Variants in TTN observed in about 807,000 individuals in gnomAD.
TTN encodes the protein titin, also known as connectin.
TTN carries 1,525 observed loss-of-function variants against 3,223.0 expected under a neutral mutation model. That is an observed-to-expected ratio of 0.47 (90% CI 0.45 to 0.49). TTN has a LOEUF of 0.49. Ranked by LOEUF, TTN falls within the 20% of genes least tolerant of loss-of-function variation. TTN has a pLI of 0.00. For missense variants in TTN, 40,786 were observed against 43,424.0 expected, an observed-to-expected ratio of 0.94 and a Z score of 5.40; for synonymous variants, 14,094 against 15,161.0, an observed-to-expected ratio of 0.93 and a Z score of 5.17.
Position 178,792,086 on chromosome 2 carries a change from C to T in TTN, c.1648G>A (p.Val550Ile), listed in dbSNP as rs759126894. The T allele has an allele frequency of 2.5e-6, 4 of 1,612,422 alleles. No homozygotes were observed. In the South Asian group the frequency reaches 3.3e-5, roughly 13 times the overall value. ...ATCAGACTTACTGCTTCTTGAGTTA[C>T]TTGTTTCTGTTTCTTAGTAATTTCT... ...SEEITKKQKQ[V>I]TQEAIRQETE... Residue 550 changes from valine to isoleucine, a missense_variant, in exon 10 of 363, where the codon GTA (valine) becomes ATA (isoleucine). Transcript: ENST00000589042.
rs756519277 is a variant in TTN at position 178,613,182 on chromosome 2, T to C, written c.49627A>G (p.Ile16543Val). The C allele has an allele frequency of 1.2e-6, 2 of 1,610,618 alleles. No individual in the cohort carries two copies. Among genetic ancestry groups the C allele is most frequent in the East Asian group, 2.2e-5 (1 of 44,546 alleles). The part of the protein sequence containing the change: ...PGKPSKSTEP[I>V]LIKDPIDPPW... ...ATACCTATGGGATCCTTTATTAAGA[T>C]TGGTTCAGTTGATTTGCTTGGTTTT... The change falls in exon 264 of 363, where the codon ATC (isoleucine) becomes GTC (valine). Residue 16543 changes from isoleucine to valine, a missense_variant. Coordinates refer to ENST00000589042, the MANE Select transcript of TTN (RefSeq NM_001267550.2).
At position 178,579,977 on chromosome 2, in the gene TTN, C is replaced by G; in HGVS notation, c.67310G>C (p.Gly22437Ala). 1 of 1,613,252 alleles carries G rather than the reference C, an allele frequency of 6.2e-7. No homozygotes were observed. Residue 22437 changes from glycine (G) to alanine (A), a missense_variant, in exon 318 of 363, where the codon GGT becomes GCT. Transcript: ENST00000589042. Reference protein sequence around the residue: ...RVFAENEYGIGDPGETRDAVK... With the variant: ...RVFAENEYGIADPGETRDAVK... ...AGCATCACGAGTTTCACCGGGATCA[C>G]CAATGCCATACTCATTTTCAGCAAA...
rs888818269 is a variant in TTN, at chr2:178,568,862, A to G, written c.77270T>C (p.Val25757Ala). ...TTCCCCTTGAGTTAGGTTGGTAATTACTGCCTGAAGAGACTTTACTCGAGC... is the reference window on the plus strand; with the variant it reads ...TTCCCCTTGAGTTAGGTTGGTAATTGCTGCCTGAAGAGACTTTACTCGAGC... ...ECARVKSLQA[V>A]ITNLTQGEEY... The change falls in exon 326 of 363, where the codon GTA becomes GCA. Residue 25757 changes from valine to alanine, a missense_variant. Physicochemically the swap from Val to Ala is moderately conservative, Grantham distance 64 (BLOSUM62 0). Transcript: ENST00000589042. 3 of 1,613,044 alleles carry G rather than the reference A, an allele frequency of 1.9e-6. No homozygotes were observed. The African/African-American group carries it at 4.0e-5, about 22-fold the overall frequency.
chr2:178,745,947 CT>C lies in TTN; in HGVS notation c.11312-4027del. The C allele has an allele frequency of 6.2e-7, 1 of 1,609,532 alleles. No homozygotes were observed. The highest frequency in any genetic ancestry group is 8.5e-7 in the Non-Finnish European group (1 of 1,176,604). ...TCTTCCATTAAACTGCTTAAAGTCA[CT>C]TTGCTTTTCTTTGCTATCACAGCAA... On this transcript the variant is annotated intron_variant, in intron 47 of 362. Transcript: ENST00000589042.
chr2:178,764,755 T>C lies in TTN; in HGVS notation c.9760A>G (p.Lys3254Glu). The C allele has an allele frequency of 6.2e-7, 1 of 1,613,914 alleles. No homozygotes were observed. Among genetic ancestry groups the C allele is most frequent in the East Asian group, 2.2e-5 (1 of 44,868 alleles). The change falls in exon 42 of 363, where the codon AAG (lysine) becomes GAG (glutamate). Residue 3254 changes from lysine to glutamate, a missense_variant. Transcript: ENST00000589042. ...ATCACGGCACAGAAGCGGGCAGGCT[T>C]GCCAGACTGCACAGTGACAGGCTGG... ...ELQPVTVQSG[K>E]PARFCAVISG...
At chr2:178,799,973 T>A in intron 4 of TTN, 63 bp from the exon 5 acceptor site, 1 of 1,543,856 alleles carries the variant, frequency 6.5e-7, no homozygotes, top group Non-Finnish European at 8.9e-7. Context: ...AAAGAGATTC[T>A]GTTAATTCTG....
Position 178,634,217 on chromosome 2 carries a change from A to G in TTN, c.42416-134T>C. The G allele has an allele frequency of 6.7e-7, 1 of 1,481,804 alleles. No homozygotes were observed. The highest frequency in any genetic ancestry group is 9.0e-7 in the Non-Finnish European group (1 of 1,116,646). The allele number at this position is 1,481,804 out of a possible 1,614,324, so 91.8% of individuals were successfully genotyped here. ...TCATCTTTCCAAATAGAGCTCCACT[A>G]AAAACAAATTAAGGGGGGTTGTTTT... On this transcript the variant is annotated intron_variant, in intron 230 of 362. Transcript: ENST00000589042. This position sits in a 1 kb window ranked among gnomAD's most constrained non-coding sequence, Gnocchi z 4.6.
chr2:178,735,541 T>C lies in TTN; in HGVS notation c.14905A>G (p.Ser4969Gly). 1 of 1,596,998 alleles carries C rather than the reference T, an allele frequency of 6.3e-7. No homozygotes were observed. The highest frequency in any genetic ancestry group is 1.1e-5 in the South Asian group (1 of 87,244). The change falls in exon 50 of 363, where the codon AGC becomes GGC. Residue 4969 changes from serine (S) to glycine (G), a missense_variant. Physicochemically the swap from Ser to Gly is moderately conservative, Grantham distance 56 (BLOSUM62 0). Transcript: ENST00000589042. ...VCTASNEAGSSSCSATVTVRE... is the reference protein window; with the variant it reads ...VCTASNEAGSGSCSATVTVRE... ...ACAGTGACTGTGGCTGAGCAGGAGCTGCTTCCAGCCTCATTTGAAGCTGTA... is the reference window on the plus strand; with the variant it reads ...ACAGTGACTGTGGCTGAGCAGGAGCCGCTTCCAGCCTCATTTGAAGCTGTA...
chr2:178,791,186 A>G (rs1307824063), intron 10 of TTN, among the ~76,000 whole-genome samples: 1 of 152,204 alleles, frequency 6.6e-6, no homozygotes, highest in Admixed American at 6.5e-5. Flanking sequence ...TGCAATGGCA[A>G]TGGGGATTTC....
At chr2:178,795,444 T>G (rs2093716345) in intron 6 of TTN, among the ~76,000 whole-genome samples, 192 bp from the exon 7 acceptor site, 2 of 152,054 alleles carry the variant, frequency 1.3e-5, no homozygotes, top group South Asian at 4.1e-4. Context: ...TCTTATCTGC[T>G]GTAACCCTGT....
chr2:178,701,513 G>C lies in TTN; in HGVS notation c.30598+15C>G. The C allele has an allele frequency of 6.2e-7, 1 of 1,608,528 alleles. No individual in the cohort carries two copies. The highest frequency in any genetic ancestry group is 8.5e-7 in the Non-Finnish European group (1 of 1,178,006). On this transcript the variant is annotated intron_variant, in intron 110 of 362. Transcript: ENST00000589042. Reference sequence around the variant, plus strand: ...TTGCTGCTCCAAGCTCAGATGTTGAGGTTCTGGGTCTTACCTTCTGGTGGC... The same window carrying C: ...TTGCTGCTCCAAGCTCAGATGTTGACGTTCTGGGTCTTACCTTCTGGTGGC...
chr2:178,544,411 C>T lies in TTN; in HGVS notation c.95818G>A (p.Asp31940Asn), dbSNP rs188213186. Residue 31940 changes from aspartate (D) to asparagine (N), a missense_variant, in exon 345 of 363, where the codon GAC becomes AAC. Asp to Asn is a conservative substitution (Grantham distance 23, BLOSUM62 1). Transcript: ENST00000589042. ...WTKPMYDGGT[D>N]IVGYVLEMQE... ...ATTTCCAGAACATATCCTACAATGTCAGTACCACCATCGTACATGGGTTTG... is the reference window on the plus strand; with the variant it reads ...ATTTCCAGAACATATCCTACAATGTTAGTACCACCATCGTACATGGGTTTG... The T allele has an allele frequency of 2.5e-6, 4 of 1,613,740 alleles. No homozygotes were observed. Among genetic ancestry groups the T allele is most frequent in the African/African-American group, 2.7e-5 (2 of 75,026 alleles).
chr2:178,745,845 C>G, intron 47 of TTN: 1 of 1,613,058 alleles, frequency 6.2e-7, no homozygotes, highest in South Asian at 1.1e-5. Flanking sequence ...TCAGAAATAC[C>G]TTTGATAAAC....
rs201095164 is a variant in TTN at position 178,569,459 on chromosome 2, T to A, written c.76673A>T (p.Asp25558Val). The change falls in exon 326 of 363, where the codon GAT (aspartate) becomes GTT (valine). Residue 25558 changes from aspartate (D) to valine (V), a missense_variant. Coordinates refer to ENST00000589042, the MANE Select transcript of TTN (RefSeq NM_001267550.2). ...DGEIRDAAIIDVTSSFTSLVL... is the reference protein window; with the variant it reads ...DGEIRDAAIIVVTSSFTSLVL... ...AAGAGAGGTGAAACTGCTAGTGACA[T>A]CAATTATAGCTGCATCTCGGATTTC... The A allele has an allele frequency of 9.1e-5, 147 of 1,612,946 alleles. No individual in the cohort carries two copies. The highest frequency in any genetic ancestry group is 4.7e-4 in the Admixed American group (28 of 59,936).
chr2:178,575,626 C>A lies in TTN; in HGVS notation c.70506G>T (p.Gly23502=), dbSNP rs181702963. The change falls in exon 326 of 363, where the codon GGG becomes GGT. Residue 23502 remains glycine (G), a synonymous_variant. Transcript: ENST00000589042. The surrounding 1 kb of genome is among the most constrained non-coding windows in gnomAD (Gnocchi z 4.0). ...CCATCACTCTGAAGAAATATTCACA[C>A]CCTTCAGACAAGCCGGTAACTTTAT... is the stretch of plus-strand genomic sequence containing the variant. ...CTYKVTGLSE[G]CEYFFRVMAE... is the part of the protein sequence containing the mutation. The A allele has an allele frequency of 4.8e-5, 77 of 1,613,602 alleles. 1 individual carries two copies. In the African/African-American group the frequency reaches 6.3e-4, roughly 13 times the overall value.
In TTN at chr2:178,729,850, T is replaced by C. The variant is rs935669018; in HGVS notation, c.18403A>G (p.Ile6135Val). Residue 6135 changes from isoleucine to valine, a missense_variant, in exon 63 of 363, where the codon ATC becomes GTC. By Grantham distance (29) the Ile-to-Val change is conservative. Coordinates refer to ENST00000589042, the MANE Select transcript of TTN (RefSeq NM_001267550.2). ...CCGTCTAGATACCAAGACACTCGGATTTTAGGAGTGCCTGTTATTTGGCAT... is the reference window on the plus strand; with the variant it reads ...CCGTCTAGATACCAAGACACTCGGACTTTAGGAGTGCCTGTTATTTGGCAT... The part of the protein sequence containing the change: ...FECQITGTPK[I>V]RVSWYLDGNE... The C allele has an allele frequency of 1.9e-6, 3 of 1,613,524 alleles. No homozygotes were observed. The highest frequency in any genetic ancestry group is 3.3e-5 in the Admixed American group (2 of 59,934).
chr2:178,734,210 C>A, intron 52 of TTN, 118 bp downstream of exon 52: 1 of 1,314,086 alleles, frequency 7.6e-7, no homozygotes, highest in Non-Finnish European at 1.0e-6. Flanking sequence ...CAGGTCAAAC[C>A]AAGACAAAAC....
chr2:178,651,082 T>A (rs898709613), intron 208 of TTN, among the ~76,000 whole-genome samples, 161 bp downstream of exon 208: 7 of 152,226 alleles, frequency 4.6e-5, no homozygotes, highest in Admixed American at 3.3e-4. Context: ...CTTTTTAAAG[T>A]CAATGAAAAA....
At position 178,725,770 on chromosome 2, in the gene TTN, T is replaced by G. The variant is rs779876776; in HGVS notation, c.20552A>C (p.Lys6851Thr). The G allele has an allele frequency of 2.0e-5, 32 of 1,585,656 alleles. No homozygotes were observed. Among genetic ancestry groups the G allele is most frequent in the Non-Finnish European group, 2.5e-5 (29 of 1,164,422 alleles). Residue 6851 changes from lysine (K) to threonine (T), a missense_variant and splice_region_variant, in exon 70 of 363, where the codon AAA (lysine) becomes ACA (threonine). Coordinates refer to ENST00000589042, the MANE Select transcript of TTN (RefSeq NM_001267550.2). ...CCATGTGGATGAACTATATTTACCT[T>G]TCAATTTTACAGTACAAACACAAGT... is the stretch of plus-strand genomic sequence containing the variant. The part of the protein sequence containing the change: ...SDTCVCTVKL[K>T]EPPRFVSKLN...
Sources: allele counts gnomAD v4.1 joint callset (sites outside exome capture counted in the v4.1 genomes callset), GRCh38; gene constraint gnomAD v4.1.1; non-coding constraint Gnocchi (gnomAD v3.1); transcripts MANE v1.5; gene names NCBI Gene and HGNC (gene_info 2026-07-23, HGNC 2026-07-21).